The following RIC1 variants were observed in gnomAD, a reference collection of about 807,000 sequenced individuals.
RIC1 encodes the protein guanine nucleotide exchange factor subunit RIC1.
Under a neutral mutation model 169.0 loss-of-function variants are expected in RIC1, and 88 were observed. That is an observed-to-expected ratio of 0.52 (90% CI 0.44 to 0.62). The LOEUF (loss-of-function observed/expected upper bound fraction) is 0.62, where lower values mean the gene tolerates loss of function less well. Among genes scored for constraint, RIC1 ranks in the 20% least tolerant of loss-of-function variants. The pLI is 0.00. For missense variants in RIC1, 1,877 were observed against 1,725.5 expected, an observed-to-expected ratio of 1.09 and a Z score of -1.56; for synonymous variants, 790 against 601.5, an observed-to-expected ratio of 1.31 and a Z score of -4.59.
In RIC1 at chr9:5,774,884, T is replaced by A. The variant is rs1345741266; in HGVS notation, c.*638T>A. On this transcript the variant is annotated 3_prime_UTR_variant, in exon 26 of 26. Coordinates refer to ENST00000414202, the MANE Select transcript of RIC1 (RefSeq NM_020829.4). ...AAGCTTGATTCCCATTAGACCAATG[T>A]GGGCAGAGGTCTGAGGGGGTTCTTC... 2.6e-5 allele frequency: 4 copies of A among 152,254 alleles called. No homozygotes were observed. The highest frequency in any genetic ancestry group is 7.2e-5 in the African/African-American group (3 of 41,468). The allele number at this position is 152,254 out of a possible 1,614,324, so 9.4% of individuals were successfully genotyped here. A position where few individuals can be genotyped will look rare whatever the true frequency, so the allele number is the denominator to read the frequency against.
intron 18 of RIC1, 82 bp downstream of exon 18, chr9:5,762,742 G>C: frequency 6.7e-7 from 1 of 1,484,434 alleles, no homozygotes; most frequent in Non-Finnish European, 9.1e-7. Flanking sequence ...TTTAAGAGAA[G>C]AGTATTTTAT....
At chr9:5,740,220 G>A (rs1176780264) in intron 8 of RIC1, among the ~76,000 whole-genome samples, 1 of 152,184 alleles carries the variant, frequency 6.6e-6, no homozygotes, top group Non-Finnish European at 1.5e-5. Flanking sequence ...TGAATCAGGA[G>A]TGCCAAATGC....
At chr9:5,765,900 C>G (rs1438641140) in intron 21 of RIC1, 102 bp downstream of exon 21, 1 of 1,384,736 alleles carries the variant, frequency 7.2e-7, no homozygotes, top group African/African-American at 1.5e-5. Context: ...CTATTTAATC[C>G]AATTGCAGTT....
intron 17 of RIC1, among the ~76,000 whole-genome samples, 166 bp downstream of exon 17, chr9:5,757,617 C>T (rs1239491326): frequency 1.3e-5 from 2 of 150,942 alleles, no homozygotes; most frequent in Admixed American, 6.6e-5. Flanking sequence ...GGTTTCTGCT[C>T]AGGCATTAAA....
intron 8 of RIC1, 36 bp downstream of exon 8, chr9:5,738,574 T>C (rs1166479572): frequency 7.9e-7 from 1 of 1,268,912 alleles, no homozygotes; most frequent in Non-Finnish European, 1.1e-6. Flanking sequence ...TTTAACATTT[T>C]TAATGTACTG....
At chr9:5,704,445 C>CA (rs1347359832) in intron 3 of RIC1, among the ~76,000 whole-genome samples, 6 of 152,116 alleles carry the variant, frequency 3.9e-5, no homozygotes, top group Admixed American at 2.0e-4. Flanking sequence ...CTCCTGGGCT[C>CA]AAGCAATCCT....
intron 2 of RIC1, among the ~76,000 whole-genome samples, chr9:5,672,624 A>AAGTAT (rs1424584311): frequency 3.9e-5 from 6 of 152,224 alleles, no homozygotes; most frequent in Admixed American, 1.3e-4. Context: ...GAAAGAAAAC[A>AAGTAT]AGACAGAACA....
rs531401724 is a variant in RIC1 at position 5,653,843 on chromosome 9, G to T, written c.145-2740G>T. 2.0e-5 allele frequency among the ~76,000 whole-genome samples: 3 copies of T among 152,042 alleles called. No homozygotes were observed. The East Asian group carries it at 5.8e-4, about 29-fold the overall frequency. On this transcript the variant is annotated intron_variant, in intron 1 of 25. Coordinates refer to ENST00000414202, the MANE Select transcript of RIC1 (RefSeq NM_020829.4). ...AAACTTTTGACCTGGTGATCTGCCT[G>T]CCTCAGCCTCCCAAAGTGCTGGGAT...
At chr9:5,754,090 T>G (rs1825867943) in intron 14 of RIC1, among the ~76,000 whole-genome samples, 1 of 152,198 alleles carries the variant, frequency 6.6e-6, no homozygotes, top group Non-Finnish European at 1.5e-5. Context: ...TCAGTACTTA[T>G]TAGGTGCCTA....
At chr9:5,733,685 A>C (rs1338083101) in intron 7 of RIC1, among the ~76,000 whole-genome samples, 1 of 152,176 alleles carries the variant, frequency 6.6e-6, no homozygotes, top group Non-Finnish European at 1.5e-5. Context: ...CTCATTGAGC[A>C]GTTAAATGTA....
intron 2 of RIC1, among the ~76,000 whole-genome samples, chr9:5,677,290 T>A (rs1328605310): frequency 6.6e-6 from 1 of 152,214 alleles, no homozygotes; most frequent in East Asian, 1.9e-4. Context: ...TGTTGAACAT[T>A]TTTCTCATTT....
intron 2 of RIC1, among the ~76,000 whole-genome samples, chr9:5,683,762 G>T (rs1821010519): frequency 6.6e-6 from 1 of 152,156 alleles, no homozygotes. Context: ...TGCTGAGGAA[G>T]GCGGGCCTCC....
chr9:5,759,714 C>T (rs1332116322), intron 17 of RIC1, among the ~76,000 whole-genome samples: 2 of 151,772 alleles, frequency 1.3e-5, no homozygotes, highest in African/African-American at 4.8e-5. Context: ...TTTAGGAATG[C>T]ATATTAAACA....
At chr9:5,717,329 G>C (rs1048614193) in intron 4 of RIC1, among the ~76,000 whole-genome samples, 3 of 152,118 alleles carry the variant, frequency 2.0e-5, no homozygotes, top group Admixed American at 1.3e-4. Context: ...TAGGGAGATA[G>C]GGTTAGGGGA....
At position 5,689,979 on chromosome 9, in the gene RIC1, G is replaced by A. The variant is rs767683607; in HGVS notation, c.273G>A (p.Leu91=). 6.9e-6 allele frequency: 11 copies of A among 1,602,528 alleles called. No individual in the cohort carries two copies. In the Middle Eastern group the frequency reaches 1.2e-3, roughly 169 times the overall value. The change falls in exon 3 of 26, where the codon TTG becomes TTA. Residue 91 remains leucine (L), a synonymous_variant. Coordinates refer to ENST00000414202, the MANE Select transcript of RIC1 (RefSeq NM_020829.4). ...TTCAGACGGCAAATGGATACATCTTGTTTTTTCATATTACATCTACAAGAG... is the reference window on the plus strand; with the variant it reads ...TTCAGACGGCAAATGGATACATCTTATTTTTTCATATTACATCTACAAGAG... The part of the protein sequence containing the change: ...IAVSTANGYI[L]FFHITSTRGD...
chr9:5,743,606 T>C (rs1454307319), intron 9 of RIC1, 83 bp from the exon 10 acceptor site: 62 of 1,131,992 alleles, frequency 5.5e-5, no homozygotes, highest in Non-Finnish European at 3.9e-6. Context: ...AAAATCCGTT[T>C]GATTTTTTAA....
chr9:5,754,860 C>T lies in RIC1; in HGVS notation c.1622C>T (p.Thr541Ile). 6.4e-7 allele frequency: 1 copy of T among 1,569,000 alleles called. No homozygotes were observed. Among genetic ancestry groups the T allele is most frequent in the Non-Finnish European group, 8.7e-7 (1 of 1,150,876 alleles). Residue 541 changes from threonine to isoleucine, a missense_variant, in exon 15 of 26, where the codon ACA becomes ATA. This residue lies in a region of RIC1 where 1,104 missense variants were observed against 992.0 expected (regional missense o/e 1.11). Transcript: ENST00000414202. ...TTTAAGGAGCAAAATATGATCGTGACAGGTGGCTTAGCCTGGTGGAATGAT... is the reference window on the plus strand; with the variant it reads ...TTTAAGGAGCAAAATATGATCGTGATAGGTGGCTTAGCCTGGTGGAATGAT... ...NITQEQNMIV[T>I]GGLAWWNDFM...
chr9:5,633,786 A>C (rs1817837832), intron 1 of RIC1, among the ~76,000 whole-genome samples: 1 of 152,170 alleles, frequency 6.6e-6, no homozygotes, highest in African/African-American at 2.4e-5. Flanking sequence ...ATATATGTTA[A>C]TTATGGAAAT....
At chr9:5,682,863 C>A (rs528072521) in intron 2 of RIC1, among the ~76,000 whole-genome samples, 1 of 152,304 alleles carries the variant, frequency 6.6e-6, no homozygotes, top group South Asian at 2.1e-4. Context: ...TTGTTCGTTT[C>A]TTTTTATTCT....
Sources: allele counts gnomAD v4.1 joint callset (sites outside exome capture counted in the v4.1 genomes callset), GRCh38; gene constraint gnomAD v4.1.1; regional missense constraint gnomAD v4.1.1; transcripts MANE v1.5; gene names NCBI Gene and HGNC (gene_info 2026-07-23, HGNC 2026-07-21).